Variants in MED13 observed in about 807,000 individuals in gnomAD.
MED13 encodes mediator complex subunit 13, also known as mediator of RNA polymerase II transcription subunit 13.
A neutral mutation model predicts 225.2 loss-of-function variants in MED13; 23 were observed. The observed-to-expected ratio is 0.10, with a 90% CI of 0.07 to 0.14. MED13 has a LOEUF of 0.14. Among genes scored for constraint, MED13 ranks in the 10% least tolerant of loss-of-function variants. MED13 has a pLI of 1.00. For synonymous variants in MED13, 942 were observed against 889.2 expected (o/e 1.06, Z -1.06); for missense variants, 2,197 against 2,594.5 (o/e 0.85, Z 3.33).
chr17:62,038,282 G>A (rs1472513859), intron 3 of MED13, among the ~76,000 whole-genome samples: 1 of 152,034 alleles, frequency 6.6e-6, no homozygotes, highest in Admixed American at 6.6e-5. Context: ...TGTGGTCCCA[G>A]CTACTCGAGA....
In MED13 at chr17:61,972,767, A is replaced by G. The variant is rs767230067; in HGVS notation, c.3927T>C (p.Thr1309=). 3 of 1,612,756 alleles carry G rather than the reference A, an allele frequency of 1.9e-6. No individual in the cohort carries two copies. The highest frequency in any genetic ancestry group is 2.7e-5 in the African/African-American group (2 of 74,966). Residue 1309 remains threonine (T), a synonymous_variant, in exon 17 of 30, where the codon ACT becomes ACC. Transcript: ENST00000397786. The part of the protein sequence containing the change: ...VRPWGVQGPL[T]WQQFHKMAGR... The stretch of plus-strand genomic sequence containing the variant: ...CAGCCATTTTATGAAATTGTTGCCA[A>G]GTGAGAGGACCCTGAACACCCCAAG...
intron 23 of MED13, 25 bp from the exon 24 acceptor site, chr17:61,956,506 C>T: frequency 6.3e-7 from 1 of 1,575,350 alleles, no homozygotes; most frequent in Non-Finnish European, 8.6e-7. Flanking sequence ...AAGAGAGTGT[C>T]ATAAATATTT....
Position 62,010,675 on chromosome 17 carries a change from G to A in MED13, c.1842C>T (p.Ala614=). 6.5e-7 allele frequency: 1 copy of A among 1,532,742 alleles called. No individual in the cohort carries two copies. Among genetic ancestry groups the A allele is most frequent in the South Asian group, 1.3e-5 (1 of 78,260 alleles). The allele number at this position is 1,532,742 out of a possible 1,614,324, so 94.9% of individuals were successfully genotyped here. A position where few individuals can be genotyped will look rare whatever the true frequency, so the allele number is the denominator to read the frequency against. Residue 614 remains alanine, a synonymous_variant, in exon 9 of 30, where the codon GCC becomes GCT. Transcript: ENST00000397786. ...TCTTTGGGAACTTGTAATACTTCCA[G>A]GCTATATTGGCTTCATCTTCTTCCA... ...VNLEEDEANI[A]WKYYKFPKKK... is the part of the protein sequence containing the mutation.
chr17:61,943,313 A>G lies in MED13; in HGVS notation c.*3155T>C, dbSNP rs1361692574. On this transcript the variant is annotated 3_prime_UTR_variant, in exon 30 of 30. Transcript: ENST00000397786. ...ATAGCAAATTATATGATGCAATAGC[A>G]TTTAAAAACTTTTTAATCTATTCAA... 1 of 152,612 alleles carries G rather than the reference A, an allele frequency of 6.6e-6. No homozygotes were observed. The highest frequency in any genetic ancestry group is 1.5e-5 in the Non-Finnish European group (1 of 67,994). The allele number at this position is 152,612 out of a possible 1,614,324, so 9.5% of individuals were successfully genotyped here.
At chr17:62,053,236 A>G (rs1568004829) in intron 2 of MED13, among the ~76,000 whole-genome samples, 1 of 152,218 alleles carries the variant, frequency 6.6e-6, no homozygotes, top group Non-Finnish European at 1.5e-5. Flanking sequence ...GAGCCTAACA[A>G]GCGGTGCACT....
intron 3 of MED13, among the ~76,000 whole-genome samples, chr17:62,039,603 T>C (rs1364487041): frequency 6.7e-6 from 1 of 149,984 alleles, no homozygotes; most frequent in Non-Finnish European, 1.5e-5. Context: ...TTTTTTTTTT[T>C]TTTTTTTGAG....
intron 28 of MED13, among the ~76,000 whole-genome samples, chr17:61,948,349 G>A (rs2079867828): frequency 6.6e-6 from 1 of 152,178 alleles, no homozygotes; most frequent in African/African-American, 2.4e-5. Context: ...AATAAATACT[G>A]AGTAGGAAAA....
intron 16 of MED13, among the ~76,000 whole-genome samples, chr17:61,978,569 C>T (rs1567955526): frequency 6.6e-6 from 1 of 152,038 alleles, no homozygotes; most frequent in Non-Finnish European, 1.5e-5. Context: ...CTCTCAATAC[C>T]CTGTAAAGTA....
At chr17:62,053,177 G>A (rs891926674) in intron 2 of MED13, among the ~76,000 whole-genome samples, 2 of 152,032 alleles carry the variant, frequency 1.3e-5, no homozygotes, top group African/African-American at 4.8e-5. Flanking sequence ...TCTAATCCAC[G>A]ACTCCACTAC....
intron 2 of MED13, among the ~76,000 whole-genome samples, chr17:62,055,273 C>G (rs1486664479): frequency 6.6e-6 from 1 of 151,764 alleles, no homozygotes; most frequent in East Asian, 1.9e-4. Flanking sequence ...GGCTGTAGTC[C>G]CAGCTACTCA....
At chr17:61,995,759 A>G (rs574552963) in intron 9 of MED13, among the ~76,000 whole-genome samples, 9 of 152,300 alleles carry the variant, frequency 5.9e-5, no homozygotes, top group Non-Finnish European at 1.0e-4. Context: ...TGAGTAAAAT[A>G]CTTTTAAACA....
chr17:62,034,132 T>C, intron 4 of MED13, 148 bp from the exon 5 acceptor site: 2 of 657,766 alleles, frequency 3.0e-6, no homozygotes, highest in South Asian at 2.0e-5. Flanking sequence ...CAACTTATTA[T>C]ACTTCGTTAC....
At chr17:62,009,098 T>C (rs2143580643) in intron 9 of MED13, among the ~76,000 whole-genome samples, 1 of 152,352 alleles carries the variant, frequency 6.6e-6, no homozygotes, top group South Asian at 2.1e-4. Flanking sequence ...CTTTGTACAT[T>C]CCTTGGCCTT....
At chr17:61,947,246 T>C (rs545858742) in intron 28 of MED13, among the ~76,000 whole-genome samples, 72 of 151,862 alleles carry the variant, frequency 4.7e-4, no homozygotes, top group African/African-American at 1.6e-3. Context: ...TTGACCAGGC[T>C]GGTCTTGAAC....
chr17:62,062,588 CACACACACACACCACACA>C (rs1194009155), intron 2 of MED13, among the ~76,000 whole-genome samples: 3 of 75,820 alleles, frequency 4.0e-5, no homozygotes, highest in African/African-American at 2.5e-4. Context: ...AACACACACA[CACACACACACACCACACA>C]CACACACACA....
intron 9 of MED13, among the ~76,000 whole-genome samples, chr17:62,001,119 A>G (rs944513277): frequency 5.3e-5 from 8 of 152,192 alleles, no homozygotes; most frequent in Admixed American, 1.3e-4. Flanking sequence ...CTTTAAAAAA[A>G]TCAGAAAAAT....
At chr17:62,012,519 G>C (rs2143596474) in intron 8 of MED13, among the ~76,000 whole-genome samples, 1 of 151,392 alleles carries the variant, frequency 6.6e-6, no homozygotes, top group East Asian at 2.0e-4. Context: ...TAGTAGAGAC[G>C]GGGTTTTTCC....
chr17:61,980,914 G>GT (rs1253078974), intron 16 of MED13, among the ~76,000 whole-genome samples: 22 of 151,796 alleles, frequency 1.4e-4, no homozygotes, highest in Admixed American at 1.4e-3. Flanking sequence ...GCTAATTTTT[G>GT]TATTTTTCAC....
At chr17:62,047,053 G>C (rs892864953) in intron 3 of MED13, among the ~76,000 whole-genome samples, 12 of 149,086 alleles carry the variant, frequency 8.0e-5, no homozygotes, top group African/African-American at 3.0e-4. Flanking sequence ...TTTTTAAAGA[G>C]ACGGGGGTCT....
Sources: allele counts gnomAD v4.1 joint callset (sites outside exome capture counted in the v4.1 genomes callset), GRCh38; gene constraint gnomAD v4.1.1; transcripts MANE v1.5; gene names NCBI Gene and HGNC (gene_info 2026-07-23, HGNC 2026-07-21).